NCAM1: variants seen among roughly 807,000 people sequenced by gnomAD.
NCAM1 encodes the protein neural cell adhesion molecule 1.
In NCAM1, 14 loss-of-function variants were observed where a neutral mutation model predicts 109.8. The ratio of observed to expected loss-of-function variants is 0.13; its 90% CI spans 0.08 to 0.20. The LOEUF is 0.20. Ranked by LOEUF, NCAM1 falls within the 10% of genes least tolerant of loss-of-function variation. The pLI is 1.00. For synonymous variants in NCAM1, 418 were observed against 442.9 expected (o/e 0.94, Z 0.70); for missense variants, 774 against 1,109.9 (o/e 0.70, Z 4.30).
chr11:113,220,716 C>T (rs1232078662), intron 8 of NCAM1, among the ~76,000 whole-genome samples: 1 of 150,400 alleles, frequency 6.6e-6, no homozygotes, highest in Non-Finnish European at 1.5e-5. Flanking sequence ...ACGCCATTCT[C>T]CTGCCCCAGC....
chr11:113,062,975 A>G (rs1937746243), intron 1 of NCAM1, among the ~76,000 whole-genome samples: 1 of 152,090 alleles, frequency 6.6e-6, no homozygotes, highest in East Asian at 1.9e-4. Flanking sequence ...CTCACAAAAA[A>G]GGAAGGAAAC....
chr11:113,210,842 C>A (rs1033259309), intron 7 of NCAM1, among the ~76,000 whole-genome samples: 1 of 150,514 alleles, frequency 6.6e-6, no homozygotes, highest in African/African-American at 2.5e-5. Context: ...ATTTCTTTCC[C>A]GAAACTGCAG....
chr11:113,218,001 G>A (rs1484037186), intron 8 of NCAM1, among the ~76,000 whole-genome samples: 2 of 152,196 alleles, frequency 1.3e-5, no homozygotes, highest in Non-Finnish European at 2.9e-5. Context: ...AGTCAGGACT[G>A]ACTTTCATTA....
intron 1 of NCAM1, among the ~76,000 whole-genome samples, chr11:113,195,284 C>T (rs887347122): frequency 2.0e-5 from 3 of 152,112 alleles, no homozygotes; most frequent in Non-Finnish European, 2.9e-5. Flanking sequence ...CTCTGTCATC[C>T]CTAATAATGT....
chr11:113,232,154 T>C lies in NCAM1; in HGVS notation c.1241-16T>C. ...ATCATGGCAGTCATCCTGACAGTCA[T>C]TGTTATTTATTGCAGATGCCCCAAA... On this transcript the variant is annotated splice_polypyrimidine_tract_variant and intron_variant, in intron 10 of 19. Transcript: ENST00000316851. 1 of 1,567,848 alleles carries C rather than the reference T, an allele frequency of 6.4e-7. No homozygotes were observed. Among genetic ancestry groups the C allele is most frequent in the Non-Finnish European group, 8.6e-7 (1 of 1,158,204 alleles).
At chr11:113,235,355 C>G in intron 14 of NCAM1, 191 bp downstream of exon 14, 2 of 1,251,922 alleles carry the variant, frequency 1.6e-6, no homozygotes, top group Non-Finnish European at 2.3e-6. Context: ...CCTTCATTCT[C>G]TCTTTCTCCA....
chr11:113,124,203 C>T (rs1426683749), intron 1 of NCAM1, among the ~76,000 whole-genome samples: 4 of 152,226 alleles, frequency 2.6e-5, no homozygotes, highest in Non-Finnish European at 5.9e-5. Context: ...TCTTCTTTGT[C>T]TTCTCTAGAC....
chr11:113,035,496 G>C (rs1940712), intron 1 of NCAM1, among the ~76,000 whole-genome samples: 68,608 of 151,980 alleles, frequency 0.45, 16,388 homozygotes, highest in East Asian at 0.81. Flanking sequence ...CCCAAGACAC[G>C]AAGGAGATAT....
intron 1 of NCAM1, among the ~76,000 whole-genome samples, chr11:113,018,094 T>C (rs967443812): frequency 6.6e-6 from 1 of 152,196 alleles, no homozygotes; most frequent in Non-Finnish European, 1.5e-5. Context: ...ACTTCTCTTA[T>C]GCTGTCCTGT....
chr11:113,173,785 T>G (rs948503655), intron 1 of NCAM1, among the ~76,000 whole-genome samples: 2 of 151,730 alleles, frequency 1.3e-5, no homozygotes, highest in African/African-American at 4.8e-5. Context: ...AAATAAGATG[T>G]GCGAGGCTCA....
chr11:113,068,205 C>T (rs781932503), intron 1 of NCAM1, among the ~76,000 whole-genome samples: 14 of 152,126 alleles, frequency 9.2e-5, no homozygotes, highest in South Asian at 2.1e-4. Context: ...GCCACTGTGC[C>T]GGGCCTCATA....
chr11:112,997,975 A>C (rs920125431), intron 1 of NCAM1, among the ~76,000 whole-genome samples: 3 of 152,064 alleles, frequency 2.0e-5, no homozygotes, highest in African/African-American at 7.2e-5. Context: ...GGCCTGCCTA[A>C]CCTTAGCCTG....
intron 8 of NCAM1, among the ~76,000 whole-genome samples, chr11:113,216,965 A>G (rs1555114478): frequency 2.6e-5 from 4 of 152,184 alleles, no homozygotes; most frequent in Non-Finnish European, 2.9e-5. Flanking sequence ...AGTTGCTTCT[A>G]TATAATTAGG....
intron 1 of NCAM1, among the ~76,000 whole-genome samples, chr11:113,175,110 A>G (rs1202821826): frequency 6.6e-6 from 1 of 152,198 alleles, no homozygotes; most frequent in Non-Finnish European, 1.5e-5. Flanking sequence ...AGATTAACTG[A>G]AGCCTTTGAA....
At chr11:113,034,609 G>A (rs960687198) in intron 1 of NCAM1, among the ~76,000 whole-genome samples, 2 of 152,138 alleles carry the variant, frequency 1.3e-5, no homozygotes, top group Admixed American at 6.5e-5. Context: ...AGACCTGGAC[G>A]ATGTGTGATT....
chr11:113,153,895 T>C (rs1444567890), intron 1 of NCAM1, among the ~76,000 whole-genome samples: 3 of 152,230 alleles, frequency 2.0e-5, no homozygotes, highest in Admixed American at 1.3e-4. Context: ...ATTTATTAAA[T>C]GGGGATGGAA....
intron 14 of NCAM1, chr11:113,243,656 A>T (rs1555119550): frequency 1.9e-6 from 1 of 515,750 alleles, no homozygotes; most frequent in Non-Finnish European, 3.9e-6. Context: ...TGAAGAATCC[A>T]TATGAGTATG....
At chr11:113,039,660 T>G (rs1051488276) in intron 1 of NCAM1, among the ~76,000 whole-genome samples, 10 of 152,204 alleles carry the variant, frequency 6.6e-5, no homozygotes. Flanking sequence ...TTTCAGAATA[T>G]TATTTGTCTG....
rs150700983 is a variant in NCAM1, at chr11:113,225,646, G to A, written c.1089+4321G>A. On this transcript the variant is annotated intron_variant, in intron 9 of 19. Coordinates refer to ENST00000316851, the MANE Select transcript of NCAM1 (RefSeq NM_181351.5). Reference sequence around the variant, plus strand: ...ACTTAATTGTCAGATTCACCAAAGTGGAAATGAAGGAAAAAATGTTAAGGG... The same window carrying A: ...ACTTAATTGTCAGATTCACCAAAGTAGAAATGAAGGAAAAAATGTTAAGGG... 8.1e-3 allele frequency among the ~76,000 whole-genome samples: 1,239 copies of A among 152,254 alleles called. 16 individuals are homozygous for A. The highest frequency in any genetic ancestry group is 0.02 in the African/African-American group (828 of 41,534).
Sources: allele counts gnomAD v4.1 joint callset (sites outside exome capture counted in the v4.1 genomes callset), GRCh38; gene constraint gnomAD v4.1.1; transcripts MANE v1.5; gene names NCBI Gene and HGNC (gene_info 2026-07-23, HGNC 2026-07-21).